DAB1: variants seen among roughly 807,000 people sequenced by gnomAD.
DAB1 encodes the protein DAB adaptor protein 1, also known as disabled homolog 1.
In DAB1, 15 loss-of-function variants were observed where a neutral mutation model predicts 64.6. The observed-to-expected ratio is 0.23, with a 90% CI of 0.16 to 0.36. The LOEUF is 0.36. DAB1 is among the 10% of genes least tolerant of loss of function. DAB1 has a pLI of 1.00. For synonymous variants in DAB1, 235 were observed against 251.9 expected (o/e 0.93, Z 0.64); for missense variants, 596 against 706.7 (o/e 0.84, Z 1.78).
intron 2 of DAB1, among the ~76,000 whole-genome samples, chr1:57,286,396 A>C (rs1036919890): frequency 1.3e-5 from 2 of 152,188 alleles, no homozygotes; most frequent in African/African-American, 2.4e-5. Context: ...AATATCAGGT[A>C]ATAATATAGG....
intron 14 of DAB1, among the ~76,000 whole-genome samples, chr1:57,004,708 TA>T (rs1480602399): frequency 2.0e-5 from 3 of 152,146 alleles, no homozygotes. Flanking sequence ...AAGGTATTGG[TA>T]GTCAGAGGGG....
intron 9 of DAB1, among the ~76,000 whole-genome samples, chr1:57,061,751 GT>G (rs1311397279): frequency 1.3e-5 from 2 of 152,194 alleles, no homozygotes; most frequent in Non-Finnish European, 2.9e-5. Flanking sequence ...ATGGGATGGA[GT>G]TTCACATCCC....
chr1:57,318,755 T>C (rs990586434), intron 1 of DAB1, among the ~76,000 whole-genome samples: 1 of 143,788 alleles, frequency 7.0e-6, no homozygotes. Flanking sequence ...AAAAAAAAAA[T>C]TTCATCGGAT....
chr1:57,017,181 A>G (rs909897500), intron 11 of DAB1, among the ~76,000 whole-genome samples: 2 of 152,128 alleles, frequency 1.3e-5, no homozygotes, highest in Admixed American at 1.3e-4. Flanking sequence ...AGGGGACACA[A>G]TGGCCACCTC....
intron 4 of DAB1, among the ~76,000 whole-genome samples, chr1:57,117,049 A>G (rs1461301070): frequency 6.6e-6 from 1 of 152,178 alleles, no homozygotes; most frequent in African/African-American, 2.4e-5. Flanking sequence ...CATGGAAAAA[A>G]CTGGATGATT....
intron 6 of DAB1, among the ~76,000 whole-genome samples, chr1:57,743,437 T>C (rs929601558): frequency 6.6e-6 from 1 of 152,206 alleles, no homozygotes; most frequent in Admixed American, 6.5e-5. Context: ...TAAGAACTAA[T>C]GATAATCCAT....
chr1:57,056,739 C>A (rs1050759502), intron 9 of DAB1, among the ~76,000 whole-genome samples: 1 of 151,948 alleles, frequency 6.6e-6, no homozygotes, highest in Non-Finnish European at 1.5e-5. Flanking sequence ...TGGTGCACGC[C>A]TGCAATCCCA....
At chr1:57,345,774 C>A (rs1678027931) in intron 1 of DAB1, among the ~76,000 whole-genome samples, 1 of 152,224 alleles carries the variant, frequency 6.6e-6, no homozygotes, top group Admixed American at 6.5e-5. Context: ...TATCCTGTTT[C>A]ACGGCCCTGC....
intron 6 of DAB1, among the ~76,000 whole-genome samples, chr1:57,774,170 C>G (rs974137662): frequency 1.3e-5 from 2 of 151,754 alleles, no homozygotes; most frequent in Non-Finnish European, 2.9e-5. Context: ...CTTAAAATTT[C>G]AGCAATATTT....
At chr1:57,965,750 A>G (rs1645648137) in intron 5 of DAB1, among the ~76,000 whole-genome samples, 1 of 152,208 alleles carries the variant, frequency 6.6e-6, no homozygotes, top group African/African-American at 2.4e-5. Context: ...GGAGAAATGC[A>G]GAGTCATGTC....
At chr1:57,802,063 A>G (rs1400785519) in intron 6 of DAB1, among the ~76,000 whole-genome samples, 3 of 152,208 alleles carry the variant, frequency 2.0e-5, no homozygotes, top group Non-Finnish European at 4.4e-5. Context: ...GTGCCTTTGA[A>G]CACACTGGGG....
intron 3 of DAB1, among the ~76,000 whole-genome samples, chr1:58,361,863 C>CTTTTTTTTTTTTTTTTT (rs34029239): frequency 1.2e-5 from 1 of 84,022 alleles, no homozygotes; most frequent in Non-Finnish European, 2.1e-5. Flanking sequence ...AAAGATCCCC[C>CTTTTTTTTTTTTTTTTT]TTTTTTTTTT....
chr1:57,456,308 TGCTGAAAATTATTCAAAA>T (rs1474379334), intron 7 of DAB1, among the ~76,000 whole-genome samples: 16 of 152,138 alleles, frequency 1.1e-4, no homozygotes, highest in African/African-American at 3.9e-4. Context: ...ATGAAGAAAT[TGCTGAAAATTATTCAAAA>T]GCACAGCATC....
chr1:57,653,387 A>G (rs1187104896), intron 6 of DAB1, among the ~76,000 whole-genome samples: 3 of 152,182 alleles, frequency 2.0e-5, no homozygotes, highest in Admixed American at 6.5e-5. Context: ...TTATATTTTC[A>G]AGATTTTGTC....
chr1:58,372,362 A>T (rs1306870016), intron 3 of DAB1, among the ~76,000 whole-genome samples: 1 of 152,108 alleles, frequency 6.6e-6, no homozygotes, highest in East Asian at 1.9e-4. Flanking sequence ...AATTTCTCCC[A>T]TTTAGAATGG....
At chr1:57,891,161 C>T (rs1053963370) in intron 5 of DAB1, among the ~76,000 whole-genome samples, 1 of 152,102 alleles carries the variant, frequency 6.6e-6, no homozygotes, top group Non-Finnish European at 1.5e-5. Flanking sequence ...CTCAAATTTA[C>T]AAGAAAAAGA....
intron 1 of DAB1, among the ~76,000 whole-genome samples, chr1:57,298,790 A>G (rs979258494): frequency 6.6e-6 from 1 of 152,232 alleles, no homozygotes; most frequent in Non-Finnish European, 1.5e-5. Context: ...TAAGACATCA[A>G]AAACATTGAT....
intron 2 of DAB1, among the ~76,000 whole-genome samples, chr1:57,208,775 G>A (rs1665786549): frequency 6.6e-6 from 1 of 152,170 alleles, no homozygotes; most frequent in African/African-American, 2.4e-5. Context: ...TTTTGTAGAT[G>A]AGGAAACTGA....
At chr1:57,810,573 T>C (rs1651573106) in intron 6 of DAB1, among the ~76,000 whole-genome samples, 1 of 152,134 alleles carries the variant, frequency 6.6e-6, no homozygotes, top group South Asian at 2.1e-4. Context: ...CCTATGACCA[T>C]CTGACCTGGC....
Sources: allele counts gnomAD v4.1 joint callset (sites outside exome capture counted in the v4.1 genomes callset), GRCh38; gene constraint gnomAD v4.1.1; transcripts MANE v1.5; gene names NCBI Gene and HGNC (gene_info 2026-07-23, HGNC 2026-07-21).